SETD1A: variants seen among roughly 807,000 people sequenced by gnomAD.
The protein encoded by SETD1A is histone-lysine N-methyltransferase SETD1A.
SETD1A carries 29 observed loss-of-function variants against 149.9 expected under a neutral mutation model. The ratio of observed to expected loss-of-function variants is 0.19; its 90% CI spans 0.14 to 0.26. The LOEUF is 0.26. Ranked by LOEUF, SETD1A falls within the 10% of genes least tolerant of loss-of-function variation. The probability of loss-of-function intolerance (pLI) is 1.00; values close to 1 mark genes in which losing one functional copy is unlikely to be tolerated. For missense variants in SETD1A, 2,109 were observed against 2,353.1 expected (o/e 0.90, Z 2.15); for synonymous variants, 1,141 against 968.5 (o/e 1.18, Z -3.31).
rs780975676 is a variant in SETD1A, at chr16:30,965,311, C to T, written c.1569C>T (p.Ala523=). ...AGAACAGCAGCATGGTCCTTGGGGC[C>T]AGAGATACAGGGAGTGAGGTGCCTT... ...EEENSSMVLG[A]RDTGSEVPSG... The change falls in exon 7 of 19, where the codon GCC becomes GCT. Residue 523 remains alanine, a synonymous_variant. Transcript: ENST00000262519. 10 of 1,614,120 alleles carry T rather than the reference C, an allele frequency of 6.2e-6. No individual in the cohort carries two copies. The Admixed American group carries it at 1.2e-4, about 19-fold the overall frequency.
Position 30,961,673 on chromosome 16 carries a change from C to A in SETD1A, c.517+136C>A. On this transcript the variant is annotated intron_variant, in intron 4 of 18. Transcript: ENST00000262519. This position sits in a 1 kb window ranked among gnomAD's most constrained non-coding sequence, Gnocchi z 4.0. ...GCCAGTTGTGTTTCTGAAATCAGAT[C>A]AGATTTTAGAGTGGAATTATGGTAC... 1 of 792,216 alleles carries A rather than the reference C, an allele frequency of 1.3e-6. No homozygotes were observed. Among genetic ancestry groups the A allele is most frequent in the Non-Finnish European group, 2.0e-6 (1 of 500,910 alleles). 49.1% of individuals were successfully genotyped at this position (792,216 alleles called of 1,614,324 possible). A position where few individuals can be genotyped will look rare whatever the true frequency, so the allele number is the denominator to read the frequency against.
intron 8 of SETD1A, 54 bp downstream of exon 8, chr16:30,966,440 C>A (rs1310918264): frequency 1.3e-6 from 2 of 1,537,766 alleles, no homozygotes; most frequent in African/African-American, 2.8e-5. Context: ...AGGAAATGGG[C>A]CTCTGGCTCC....
rs1277303714 is a variant in SETD1A, at chr16:30,965,759, T to G, written c.1878T>G (p.Pro626=). The G allele has an allele frequency of 3.6e-6, 5 of 1,390,908 alleles. No homozygotes were observed. In the South Asian group the frequency reaches 5.9e-5, roughly 17 times the overall value. The allele number at this position is 1,390,908 out of a possible 1,614,324, so 86.2% of individuals were successfully genotyped here. A position where few individuals can be genotyped will look rare whatever the true frequency, so the allele number is the denominator to read the frequency against. ...TGGCGTCCCTTCCTCTTGGTTATCC[T>G]CCCCACCAACCTGCCTACCTCCTCC... ...PYLASLPLGY[P]PHQPAYLLPP... is the part of the protein sequence containing the mutation. Residue 626 remains proline, a synonymous_variant, in exon 8 of 19, where the codon CCT becomes CCG. Transcript: ENST00000262519.
intron 3 of SETD1A, among the ~76,000 whole-genome samples, chr16:30,959,954 C>T (rs562017791): frequency 1.3e-5 from 2 of 152,260 alleles, no homozygotes; most frequent in South Asian, 4.2e-4. Flanking sequence ...TTATCTACCT[C>T]CTTAACCTAC....
In SETD1A at chr16:30,964,899, G is replaced by C. The variant is rs549290347; in HGVS notation, c.1157G>C (p.Arg386Pro). The change falls in exon 7 of 19, where the codon CGG (arginine) becomes CCG (proline). Residue 386 changes from arginine to proline, a missense_variant. This residue lies in a region of SETD1A where 410 missense variants were observed against 394.8 expected (regional missense o/e 1.04). Coordinates refer to ENST00000262519, the MANE Select transcript of SETD1A (RefSeq NM_014712.3). Reference sequence around the variant, plus strand: ...CGCCATACTTCCTACCCACCACGCCGGGCCACACGGGAGGAACCCCCTGGA... The same window carrying C: ...CGCCATACTTCCTACCCACCACGCCCGGCCACACGGGAGGAACCCCCTGGA... ...YQRHTSYPPR[R>P]ATREEPPGAP... 6.2e-7 allele frequency: 1 copy of C among 1,614,000 alleles called. No homozygotes were observed. The highest frequency in any genetic ancestry group is 1.3e-5 in the African/African-American group (1 of 74,914).
intron 4 of SETD1A, 119 bp from the exon 5 acceptor site, chr16:30,963,314 C>T (rs1240304960): frequency 1.0e-6 from 1 of 964,516 alleles, no homozygotes; most frequent in Non-Finnish European, 1.5e-6. Context: ...GAACTGAAAT[C>T]CTGAAACCCA....
At position 30,980,228 on chromosome 16, in the gene SETD1A, G is replaced by A. The variant is rs2056354431; in HGVS notation, c.4408+34G>A. 6.4e-7 allele frequency: 1 copy of A among 1,566,864 alleles called. No homozygotes were observed. Among genetic ancestry groups the A allele is most frequent in the African/African-American group, 1.3e-5 (1 of 74,118 alleles). On this transcript the variant is annotated intron_variant, in intron 14 of 18. Transcript: ENST00000262519. This position sits in a 1 kb window ranked among gnomAD's most constrained non-coding sequence, Gnocchi z 7.7. ...AGTGTGGGCGGCCTTCCCCGGGCTT[G>A]GGTCCTCCCCCGACCCCTCCAGGCA...
At chr16:30,964,587 G>A (rs760616781) in intron 6 of SETD1A, 25 bp from the exon 7 acceptor site, 3 of 1,601,436 alleles carry the variant, frequency 1.9e-6, no homozygotes, top group Non-Finnish European at 2.6e-6. Context: ...GCTGAGTCCA[G>A]CTAACTCCCC....
Position 30,966,878 on chromosome 16 carries a change from C to T in SETD1A, c.2506-6C>T. The T allele has an allele frequency of 3.2e-6, 5 of 1,550,072 alleles. No homozygotes were observed. Among genetic ancestry groups the T allele is most frequent in the Non-Finnish European group, 4.4e-6 (5 of 1,146,782 alleles). ...CGCTGGGGCTCAGCCCCACTGCTGC[C>T]TGCAGCCATTCCAGAACGCGGCCAA... On this transcript the variant is annotated splice_polypyrimidine_tract_variant and splice_region_variant and intron_variant, in intron 8 of 18. Coordinates refer to ENST00000262519, the MANE Select transcript of SETD1A (RefSeq NM_014712.3).
rs2055983744 is a variant in SETD1A, at chr16:30,957,862, C to T, written c.-118C>T. 6.6e-6 allele frequency: 1 copy of T among 152,304 alleles called. No homozygotes were observed. Among genetic ancestry groups the T allele is most frequent in the South Asian group, 2.1e-4 (1 of 4,834 alleles). 9.4% of individuals were successfully genotyped at this position (152,304 alleles called of 1,614,324 possible). On this transcript the variant is annotated 5_prime_UTR_variant, in exon 1 of 19. Coordinates refer to ENST00000262519, the MANE Select transcript of SETD1A (RefSeq NM_014712.3). The stretch of plus-strand genomic sequence containing the variant: ...GCCGCAACTTCCGAGCCTCCCAGGG[C>T]GCCGGCCGAGGCGAAGCCGCTACCC...
Position 30,969,603 on chromosome 16 carries a change from A to G in SETD1A, c.2930A>G (p.Asp977Gly), listed in dbSNP as rs751949461. 3.1e-6 allele frequency: 5 copies of G among 1,613,724 alleles called. No individual in the cohort carries two copies. The highest frequency in any genetic ancestry group is 1.6e-4 in the Middle Eastern group (1 of 6,080). ...EASQESSSEK[D>G]EEDDEEDEED... ...TCCTCATTTGTCTTTTTTCTTAAGG[A>G]TGAGGAGGATGACGAGGAAGATGAG... Residue 977 changes from aspartate (D) to glycine (G), a missense_variant and splice_region_variant, in exon 12 of 19, where the codon GAT becomes GGT. Asp to Gly is a moderately conservative substitution (Grantham distance 94). Transcript: ENST00000262519.
At chr16:30,972,518 G>C (rs1282891692) in intron 13 of SETD1A, among the ~76,000 whole-genome samples, 2 of 152,026 alleles carry the variant, frequency 1.3e-5, no homozygotes, top group South Asian at 2.1e-4. Flanking sequence ...GGCACCTGTA[G>C]TGCCAGCTAC....
Position 30,979,203 on chromosome 16 carries a change from GC to G in SETD1A, c.3422del (p.Pro1141ArgfsTer121). On this transcript the variant is annotated frameshift_variant, in exon 14 of 19. Transcript: ENST00000262519. LOFTEE classifies it high-confidence loss of function. ...PLRPPEPPAG[P>X]PAPAPRPDER... ...TGCGTCCCCCAGAACCACCTGCTGG[GC>G]CCCCGGCCCCTGCCCCACGCCCCGA... The G allele has an allele frequency of 8.8e-6, 14 of 1,583,654 alleles. No homozygotes were observed. The highest frequency in any genetic ancestry group is 3.5e-5 in the Admixed American group (2 of 56,392).
chr16:30,980,915 G>GA lies in SETD1A; in HGVS notation c.4692+67dup, dbSNP rs1440432280. The GA allele has an allele frequency of 1.8e-5, 28 of 1,555,874 alleles. No homozygotes were observed. The highest frequency in any genetic ancestry group is 2.4e-5 in the Non-Finnish European group (27 of 1,137,402). On this transcript the variant is annotated intron_variant, in intron 16 of 18. Coordinates refer to ENST00000262519, the MANE Select transcript of SETD1A (RefSeq NM_014712.3). The surrounding 1 kb of genome is among the most constrained non-coding windows in gnomAD (Gnocchi z 7.7). Reference sequence around the variant, plus strand: ...GGGCAGGAAGGGGCAGAGGCCAGGGGACCACCCAGCAGGCTCCTGTGGTTC... The same window carrying GA: ...GGGCAGGAAGGGGCAGAGGCCAGGGGAACCACCCAGCAGGCTCCTGTGGTTC...
chr16:30,968,847 A>G (rs917057183), intron 10 of SETD1A, among the ~76,000 whole-genome samples: 3 of 151,762 alleles, frequency 2.0e-5, no homozygotes, highest in East Asian at 3.9e-4. Flanking sequence ...GCTCACGCCT[A>G]TAATCCCAGC....
chr16:30,973,318 G>A (rs1009319849), intron 13 of SETD1A, among the ~76,000 whole-genome samples: 1 of 152,186 alleles, frequency 6.6e-6, no homozygotes, highest in Non-Finnish European at 1.5e-5. Flanking sequence ...AGTGGCTATT[G>A]TAGAATGTAA....
chr16:30,977,968 T>G (rs1447176201), intron 13 of SETD1A, among the ~76,000 whole-genome samples: 2 of 152,160 alleles, frequency 1.3e-5, no homozygotes, highest in African/African-American at 4.8e-5. Flanking sequence ...GTGCCTCAGT[T>G]TTCCTGTCTG....
rs892699116 is a variant in SETD1A, at chr16:30,958,605, T to G, written c.-15-112T>G. On this transcript the variant is annotated intron_variant, in intron 1 of 18. Coordinates refer to ENST00000262519, the MANE Select transcript of SETD1A (RefSeq NM_014712.3). The stretch of plus-strand genomic sequence containing the variant: ...GGGGAGCCCCGGGTCAGGGTGAGGG[T>G]TGGAAACTGGAGTGATGGGAGAACC... 14 of 899,060 alleles carry G rather than the reference T, an allele frequency of 1.6e-5. No individual in the cohort carries two copies. The East Asian group carries it at 3.0e-4, about 20-fold the overall frequency. The allele number at this position is 899,060 out of a possible 1,614,324, so 55.7% of individuals were successfully genotyped here.
chr16:30,979,227 CGATGAGCGTCCCTCTT>C lies in SETD1A; in HGVS notation c.3442_3457del (p.Asp1148LeufsTer109). On this transcript the variant is annotated frameshift_variant, in exon 14 of 19. Coordinates refer to ENST00000262519, the MANE Select transcript of SETD1A (RefSeq NM_014712.3). LOFTEE classifies it high-confidence loss of function. ...GGCCCCCGGCCCCTGCCCCACGCCC[CGATGAGCGTCCCTCTT>C]CTCCCATCCCCCTCCTGCCCCCACC... 1 of 1,596,218 alleles carries C rather than the reference CGATGAGCGTCCCTCTT, an allele frequency of 6.3e-7. No homozygotes were observed. The highest frequency in any genetic ancestry group is 1.7e-5 in the Admixed American group (1 of 58,120).
Sources: allele counts gnomAD v4.1 joint callset (sites outside exome capture counted in the v4.1 genomes callset), GRCh38; gene constraint gnomAD v4.1.1; regional missense constraint gnomAD v4.1.1; non-coding constraint Gnocchi (gnomAD v3.1); transcripts MANE v1.5; gene names NCBI Gene and HGNC (gene_info 2026-07-23, HGNC 2026-07-21).